The following PCDHA6 variants were observed in gnomAD, a reference collection of about 807,000 sequenced individuals.
PCDHA6 encodes the protein protocadherin alpha 6.
Under a neutral mutation model 60.3 loss-of-function variants are expected in PCDHA6, and 55 were observed. The observed-to-expected ratio is 0.91, with a 90% CI of 0.73 to 1.14. The LOEUF is 1.14. PCDHA6 is among the 50% of genes most tolerant of loss of function. The pLI is 0.00. For synonymous variants in PCDHA6, 652 were observed against 557.9 expected (o/e 1.17, Z -2.38); for missense variants, 1,327 against 1,256.5 (o/e 1.06, Z -0.85).
chr5:140,982,221 A>T, intron 2 of PCDHA6: 1 of 546,340 alleles, frequency 1.8e-6, no homozygotes. Flanking sequence ...ACATGGCGTT[A>T]ATAAAAAACA....
intron 1 of PCDHA6, chr5:140,857,097 T>C (rs782084085): frequency 6.3e-7 from 1 of 1,597,284 alleles, no homozygotes; most frequent in Non-Finnish European, 8.6e-7. Context: ...CCTGAGGTGA[T>C]TGTCACTTCT....
intron 1 of PCDHA6, chr5:140,856,277 A>T: frequency 1.9e-6 from 3 of 1,598,280 alleles, no homozygotes; most frequent in Non-Finnish European, 2.6e-6. Flanking sequence ...TCTGGAGGTA[A>T]ATCTGCAGAA....
chr5:140,858,024 C>A lies in PCDHA6; in HGVS notation c.2394+27539C>A, dbSNP rs782656168. On this transcript the variant is annotated intron_variant, in intron 1 of 3. Transcript: ENST00000529310. ...AAGGACCATGGCGAGCCGTCGCTGACGGCCACGGCCACTGTGCTTGTGTCG... is the reference window on the plus strand; with the variant it reads ...AAGGACCATGGCGAGCCGTCGCTGAAGGCCACGGCCACTGTGCTTGTGTCG... 1 of 1,596,584 alleles carries A rather than the reference C, an allele frequency of 6.3e-7. No individual in the cohort carries two copies. Among genetic ancestry groups the A allele is most frequent in the East Asian group, 2.2e-5 (1 of 44,824 alleles).
chr5:140,927,953 C>T (rs782230690), intron 1 of PCDHA6: 48 of 1,614,090 alleles, frequency 3.0e-5, no homozygotes, highest in Non-Finnish European at 2.1e-5. Flanking sequence ...GAGGACGCTG[C>T]CCCTGGCACA....
chr5:140,860,551 GA>G (rs781917307), intron 1 of PCDHA6: 4 of 152,042 alleles, frequency 2.6e-5, no homozygotes, highest in Non-Finnish European at 5.9e-5. Context: ...ACCCACCTTT[GA>G]AGAGGTACTG....
At chr5:140,834,511 A>T in intron 1 of PCDHA6, 1 of 1,614,070 alleles carries the variant, frequency 6.2e-7, no homozygotes, top group East Asian at 2.2e-5. Flanking sequence ...AAACATGGCA[A>T]CTTCGTGGGC....
chr5:140,884,737 T>C (rs1554181872), intron 1 of PCDHA6: 1 of 1,443,634 alleles, frequency 6.9e-7, no homozygotes, highest in Non-Finnish European at 9.1e-7. Context: ...AAGACATCTT[T>C]CCTGCCAATT....
chr5:140,985,900 C>A (rs896937826), intron 3 of PCDHA6, among the ~76,000 whole-genome samples: 2 of 151,872 alleles, frequency 1.3e-5, no homozygotes, highest in Non-Finnish European at 2.9e-5. Context: ...CCACCACTCC[C>A]GTCTAATTTT....
chr5:140,950,086 T>G (rs1178086288), intron 1 of PCDHA6, among the ~76,000 whole-genome samples: 1 of 151,946 alleles, frequency 6.6e-6, no homozygotes, highest in Non-Finnish European at 1.5e-5. Flanking sequence ...TATGCTATAG[T>G]TTTCATTTGT....
intron 1 of PCDHA6, chr5:140,834,408 C>A (rs1422955156): frequency 1.9e-6 from 3 of 1,609,996 alleles, no homozygotes; most frequent in Non-Finnish European, 2.5e-6. Context: ...TGGATACGAC[C>A]CAGGGGGCCG....
intron 1 of PCDHA6, among the ~76,000 whole-genome samples, chr5:140,874,989 A>G (rs1411320872): frequency 6.6e-6 from 1 of 152,218 alleles, no homozygotes; most frequent in Non-Finnish European, 1.5e-5. Context: ...ATTATTCTGT[A>G]TATCATTTTC....
chr5:140,931,395 C>T lies in PCDHA6; in HGVS notation c.2395-47554C>T, dbSNP rs141099105. Among the ~76,000 whole-genome samples the T allele has an allele frequency of 5.8e-3, 884 of 151,620 alleles. 4 individuals carry two copies. The highest frequency in any genetic ancestry group is 0.021 in the African/African-American group (851 of 41,384). ...AGACTAGAAAGGAAACATAAGTAAG[C>T]GATAGGAAGGCTGATGAATCTAGAA... On this transcript the variant is annotated intron_variant, in intron 1 of 3. Coordinates refer to ENST00000529310, the MANE Select transcript of PCDHA6 (RefSeq NM_018909.4).
intron 1 of PCDHA6, chr5:140,862,879 G>T: frequency 1.8e-6 from 1 of 567,506 alleles, no homozygotes. Context: ...AGGTATTAGT[G>T]CTGGAACGAC....
Position 140,927,631 on chromosome 5 carries a change from C to T in PCDHA6, c.2395-51318C>T, listed in dbSNP as rs760961070. 1.7e-5 allele frequency: 28 copies of T among 1,614,068 alleles called. No homozygotes were observed. In the Admixed American group the frequency reaches 2.5e-4, roughly 14 times the overall value. On this transcript the variant is annotated intron_variant, in intron 1 of 3. Coordinates refer to ENST00000529310, the MANE Select transcript of PCDHA6 (RefSeq NM_018909.4). ...CCGCACCAAGGTTCCAGAGACTGCA[C>T]CCAATGGGACTGTGTTATTCCGAGT...
intron 1 of PCDHA6, chr5:140,843,461 A>C (rs1476836171): frequency 1.3e-6 from 2 of 1,595,756 alleles, no homozygotes; most frequent in African/African-American, 2.7e-5. Flanking sequence ...GCTGGTGCTC[A>C]CGCTGCTGCT....
chr5:140,849,171 G>A (rs1554142799), intron 1 of PCDHA6: 3 of 1,114,430 alleles, frequency 2.7e-6, no homozygotes, highest in South Asian at 1.5e-5. Context: ...GACTGGCACC[G>A]TTCAATTACT....
In PCDHA6 at chr5:140,856,147, A is replaced by C. The variant is rs142037616; in HGVS notation, c.2394+25662A>C. Reference sequence around the variant, plus strand: ...TGGGGAGCGGCCAGCTCCACTACTCAGTCTACGAGGAGGCCAGACACGGCA... The same window carrying C: ...TGGGGAGCGGCCAGCTCCACTACTCCGTCTACGAGGAGGCCAGACACGGCA... On this transcript the variant is annotated intron_variant, in intron 1 of 3. Coordinates refer to ENST00000529310, the MANE Select transcript of PCDHA6 (RefSeq NM_018909.4). 34 of 1,598,116 alleles carry C rather than the reference A, an allele frequency of 2.1e-5. 2 individuals are homozygous for C. Among genetic ancestry groups the C allele is most frequent in the Middle Eastern group, 1.7e-4 (1 of 6,012 alleles).
At chr5:140,943,826 GA>G (rs1186583699) in intron 1 of PCDHA6, among the ~76,000 whole-genome samples, 5 of 152,198 alleles carry the variant, frequency 3.3e-5, no homozygotes, top group African/African-American at 1.2e-4. Flanking sequence ...AAAATGAGTT[GA>G]TTGAAGTTGT....
chr5:140,871,092 C>T lies in PCDHA6; in HGVS notation c.2394+40607C>T, dbSNP rs575877743. 10 of 1,613,260 alleles carry T rather than the reference C, an allele frequency of 6.2e-6. No homozygotes were observed. The Admixed American group carries it at 8.3e-5, about 13-fold the overall frequency. ...AGCCGGCGCTGACGGCCACGGCCAC[C>T]GTGCTGGTGTCGTTGGTGGAGAGCG... is the stretch of plus-strand genomic sequence containing the variant. On this transcript the variant is annotated intron_variant, in intron 1 of 3. Transcript: ENST00000529310.
Sources: allele counts gnomAD v4.1 joint callset (sites outside exome capture counted in the v4.1 genomes callset), GRCh38; gene constraint gnomAD v4.1.1; transcripts MANE v1.5; gene names NCBI Gene and HGNC (gene_info 2026-07-23, HGNC 2026-07-21).